ST3GAL6: variants seen among roughly 807,000 people sequenced by gnomAD.
ST3GAL6 encodes type 2 lactosamine alpha-2,3-sialyltransferase.
ST3GAL6 carries 31 observed loss-of-function variants against 40.5 expected under a neutral mutation model. The ratio of observed to expected loss-of-function variants is 0.77; its 90% CI spans 0.58 to 1.03. ST3GAL6 has a LOEUF of 1.03. Ranked by LOEUF, ST3GAL6 falls within the 50% of genes least tolerant of loss-of-function variation. The pLI is 0.00. For missense variants in ST3GAL6, 357 were observed against 393.2 expected, an observed-to-expected ratio of 0.91 and a Z score of 0.78; for synonymous variants, 129 against 136.9, an observed-to-expected ratio of 0.94 and a Z score of 0.40.
At chr3:98,792,626 T>C (rs1001760936) in intron 9 of ST3GAL6, among the ~76,000 whole-genome samples, 2 of 151,188 alleles carry the variant, frequency 1.3e-5, no homozygotes, top group African/African-American at 4.9e-5. Context: ...CCTGCTTCAG[T>C]CTCCCTAGTT....
chr3:98,784,846 A>G (rs1237911606), intron 5 of ST3GAL6, 99 bp from the exon 6 acceptor site: 2 of 881,948 alleles, frequency 2.3e-6, no homozygotes, highest in Non-Finnish European at 3.6e-6. Context: ...TTGCGCAACA[A>G]GTGGAATTTG....
chr3:98,793,875 C>T lies in ST3GAL6; in HGVS notation c.*114C>T. 1.9e-6 allele frequency: 1 copy of T among 517,704 alleles called. No individual in the cohort carries two copies. Among genetic ancestry groups the T allele is most frequent in the East Asian group, 3.4e-5 (1 of 29,768 alleles). 32.1% of individuals were successfully genotyped at this position (517,704 alleles called of 1,614,324 possible). On this transcript the variant is annotated 3_prime_UTR_variant, in exon 10 of 10. Coordinates refer to ENST00000483910, the MANE Select transcript of ST3GAL6 (RefSeq NM_001323368.2). ...AAATAATTATGTATACTGTCTGTTGCTGCCTGGTGATTCATAACCACCAGC... is the reference window on the plus strand; with the variant it reads ...AAATAATTATGTATACTGTCTGTTGTTGCCTGGTGATTCATAACCACCAGC...
rs368635999 is a variant in ST3GAL6 at position 98,768,463 on chromosome 3, T to C, written c.23T>C (p.Ile8Thr). The change falls in exon 2 of 10, where the codon ATA (isoleucine) becomes ACA (threonine). Residue 8 changes from isoleucine to threonine, a missense_variant. Ile to Thr is a moderately conservative substitution (Grantham distance 89). Transcript: ENST00000483910. MRGYLVA[I>T]FLSAVFLYYV... ...GCCATGAGAGGGTATCTTGTGGCCA[T>C]ATTCCTGAGTGCTGTCTTCCTCTAT... is the stretch of plus-strand genomic sequence containing the variant. 4 of 1,613,880 alleles carry C rather than the reference T, an allele frequency of 2.5e-6. No homozygotes were observed. The highest frequency in any genetic ancestry group is 2.7e-5 in the African/African-American group (2 of 74,928).
chr3:98,738,061 A>C (rs1400517559), intron 1 of ST3GAL6, among the ~76,000 whole-genome samples: 1 of 151,196 alleles, frequency 6.6e-6, no homozygotes. Flanking sequence ...GAGTTCTTAC[A>C]AGATCTGGTT....
chr3:98,762,438 C>G (rs1335549951), upstream of ST3GAL6, among the ~76,000 whole-genome samples: 1 of 152,026 alleles, frequency 6.6e-6, no homozygotes, highest in Non-Finnish European at 1.5e-5. Context: ...TTAAATTTAG[C>G]CTTTTCGTTG....
chr3:98,772,233 T>G (rs1939077023), intron 3 of ST3GAL6: 1 of 152,610 alleles, frequency 6.6e-6, no homozygotes, highest in Non-Finnish European at 1.5e-5. Context: ...TCCCCTAGAG[T>G]GTACTTGAGG....
Position 98,795,411 on chromosome 3 carries a change from A to G in ST3GAL6, c.*1650A>G, listed in dbSNP as rs536304204. On this transcript the variant is annotated 3_prime_UTR_variant, in exon 10 of 10. Coordinates refer to ENST00000483910, the MANE Select transcript of ST3GAL6 (RefSeq NM_001323368.2). ...GATCTAACCCAGATTAGACATGAAT[A>G]CCAGCATATGTTTGCAGAGTCCCAC... The G allele has an allele frequency of 6.6e-6, 1 of 152,314 alleles. No homozygotes were observed. The highest frequency in any genetic ancestry group is 6.5e-5 in the Admixed American group (1 of 15,292). 9.4% of individuals were successfully genotyped at this position (152,314 alleles called of 1,614,324 possible).
At chr3:98,751,876 T>C (rs1937032842) in intron 1 of ST3GAL6, among the ~76,000 whole-genome samples, 1 of 152,242 alleles carries the variant, frequency 6.6e-6, no homozygotes, top group African/African-American at 2.4e-5. Flanking sequence ...CTTTCTTTGG[T>C]AAAATCTATT....
In ST3GAL6 at chr3:98,733,715, ATTTT is replaced by A. The variant is rs1559714660; in HGVS notation, c.-12+1184_-12+1187del. On this transcript the variant is annotated intron_variant, in intron 1 of 9. Coordinates refer to the ST3GAL6 transcript ENST00000265261. ...TCAAGCCTCTTTCTTGTGTGCTGTT[ATTTT>A]GGCTTAAAAGAAAACCTATAAAAAG... 1.9e-3 allele frequency: 1,201 copies of A among 618,302 alleles called. 13 individuals carry two copies. The African/African-American group carries it at 0.023, about 12-fold the overall frequency. 38.3% of individuals were successfully genotyped at this position (618,302 alleles called of 1,614,324 possible). A position where few individuals can be genotyped will look rare whatever the true frequency, so the allele number is the denominator to read the frequency against.
At chr3:98,787,265 A>G (rs34951301) in intron 6 of ST3GAL6, among the ~76,000 whole-genome samples, 5,558 of 152,306 alleles carry the variant, frequency 0.036, 162 homozygotes, top group Non-Finnish European at 0.059. Context: ...TATCATGGGT[A>G]CAACATTTTG....
intron 1 of ST3GAL6, among the ~76,000 whole-genome samples, chr3:98,746,714 A>G (rs1429031535): frequency 6.6e-6 from 1 of 152,078 alleles, no homozygotes; most frequent in Non-Finnish European, 1.5e-5. Context: ...AAATTATGCA[A>G]TATTATTTAT....
chr3:98,755,979 G>T (rs995303323), intron 1 of ST3GAL6, among the ~76,000 whole-genome samples: 1 of 151,928 alleles, frequency 6.6e-6, no homozygotes, highest in East Asian at 1.9e-4. Flanking sequence ...GATTTTCAGA[G>T]AAATAGATAC....
At chr3:98,779,987 A>T (rs990755236) in intron 5 of ST3GAL6, among the ~76,000 whole-genome samples, 2 of 152,184 alleles carry the variant, frequency 1.3e-5, no homozygotes, top group Non-Finnish European at 2.9e-5. Context: ...TACTGCAGCT[A>T]TTTCTACATG....
chr3:98,793,715 A>G lies in ST3GAL6; in HGVS notation c.950A>G (p.Lys317Arg). Residue 317 changes from lysine to arginine, a missense_variant, in exon 10 of 10, where the codon AAG becomes AGG. Coordinates refer to ENST00000483910, the MANE Select transcript of ST3GAL6 (RefSeq NM_001323368.2). Reference protein sequence around the residue: ...HNVTAEQLFLKDIIEKNLVIN... With the variant: ...HNVTAEQLFLRDIIEKNLVIN... ...GTGACTGCAGAGCAGCTCTTTTTGAAGGACATTATAGAAAAAAACCTCGTA... is the reference window on the plus strand; with the variant it reads ...GTGACTGCAGAGCAGCTCTTTTTGAGGGACATTATAGAAAAAAACCTCGTA... The G allele has an allele frequency of 6.2e-7, 1 of 1,600,508 alleles. No individual in the cohort carries two copies. The highest frequency in any genetic ancestry group is 2.3e-5 in the East Asian group (1 of 44,362).
At chr3:98,753,964 G>A (rs1260452728) in intron 1 of ST3GAL6, among the ~76,000 whole-genome samples, 2 of 152,222 alleles carry the variant, frequency 1.3e-5, no homozygotes, top group African/African-American at 2.4e-5. Context: ...AGCTCTGGTG[G>A]TGTTGTATGA....
intron 1 of ST3GAL6, among the ~76,000 whole-genome samples, chr3:98,736,981 C>T (rs961824472): frequency 1.8e-4 from 27 of 152,158 alleles, no homozygotes; most frequent in Admixed American, 1.3e-3. Context: ...TTAGAATTGG[C>T]ATGCCTGGAG....
chr3:98,738,095 C>A (rs972766629), intron 1 of ST3GAL6, among the ~76,000 whole-genome samples: 1 of 125,890 alleles, frequency 7.9e-6, no homozygotes, highest in African/African-American at 2.9e-5. Flanking sequence ...CCGCCCTCCC[C>A]CCACCCCCGC....
intron 1 of ST3GAL6, among the ~76,000 whole-genome samples, chr3:98,747,615 A>C (rs1199270170): frequency 6.6e-6 from 1 of 152,226 alleles, no homozygotes; most frequent in South Asian, 2.1e-4. Flanking sequence ...TACTCCAAGG[A>C]ATGTACAAAT....
At chr3:98,733,346 T>A (rs909543185) in intron 1 of ST3GAL6, 4 of 1,101,870 alleles carry the variant, frequency 3.6e-6, no homozygotes, top group Non-Finnish European at 4.4e-6. Context: ...GCCGAGAGAA[T>A]CTGCTCTGGG....
Sources: allele counts gnomAD v4.1 joint callset (sites outside exome capture counted in the v4.1 genomes callset), GRCh38; gene constraint gnomAD v4.1.1; transcripts MANE v1.5; gene names NCBI Gene and HGNC (gene_info 2026-07-23, HGNC 2026-07-21).